The following CNTN5 variants were observed in gnomAD, a reference collection of about 807,000 sequenced individuals.
CNTN5 encodes the protein contactin-5.
CNTN5 carries 77 observed loss-of-function variants against 129.1 expected under a neutral mutation model. That is an observed-to-expected ratio of 0.60 (90% confidence interval 0.50 to 0.72). CNTN5 has a LOEUF of 0.72. Ranked by LOEUF, CNTN5 falls within the 30% of genes least tolerant of loss-of-function variation. The pLI is 0.00. For missense variants in CNTN5, 1,478 were observed against 1,328.8 expected (o/e 1.11, Z -1.75); for synonymous variants, 509 against 465.6 (o/e 1.09, Z -1.20).
intron 9 of CNTN5, among the ~76,000 whole-genome samples, chr11:100,041,796 A>G (rs1217236818): frequency 1.3e-5 from 2 of 152,190 alleles, no homozygotes; most frequent in Admixed American, 6.5e-5. Context: ...TGTCACAGAG[A>G]CTGTCAAGCT....
chr11:99,962,734 C>A (rs928999419), intron 8 of CNTN5, among the ~76,000 whole-genome samples: 11 of 151,464 alleles, frequency 7.3e-5, no homozygotes, highest in Non-Finnish European at 1.3e-4. Context: ...AATCGCCACA[C>A]TGACTTCCAC....
intron 2 of CNTN5, among the ~76,000 whole-genome samples, chr11:99,464,749 T>G (rs1237666700): frequency 6.6e-6 from 1 of 152,126 alleles, no homozygotes; most frequent in African/African-American, 2.4e-5. Flanking sequence ...ATATGCAGTG[T>G]TTTTCCCCCA....
chr11:99,488,073 A>G (rs1345956656), intron 2 of CNTN5, among the ~76,000 whole-genome samples: 1 of 152,172 alleles, frequency 6.6e-6, no homozygotes, highest in Non-Finnish European at 1.5e-5. Context: ...GGATTAATCA[A>G]ATGAAAGATT....
chr11:100,119,150 A>G (rs1170227529), intron 13 of CNTN5, among the ~76,000 whole-genome samples: 2 of 151,886 alleles, frequency 1.3e-5, no homozygotes, highest in African/African-American at 4.8e-5. Flanking sequence ...CAGCCACTGA[A>G]GATATTATCC....
Position 100,002,147 on chromosome 11 carries a change from G to A in CNTN5, c.980+11G>A. The stretch of plus-strand genomic sequence containing the variant: ...CTTTGCACTTGGCAAGTAAGTACAT[G>A]TTCTTCCATAATTAAACACAATTTT... On this transcript the variant is annotated intron_variant, in intron 9 of 24. Transcript: ENST00000524871. The A allele has an allele frequency of 6.8e-7, 1 of 1,481,068 alleles. No homozygotes were observed. The highest frequency in any genetic ancestry group is 9.0e-7 in the Non-Finnish European group (1 of 1,108,204). The allele number at this position is 1,481,068 out of a possible 1,614,324, so 91.7% of individuals were successfully genotyped here.
intron 3 of CNTN5, among the ~76,000 whole-genome samples, chr11:99,813,503 G>A (rs986102951): frequency 2.0e-5 from 3 of 152,072 alleles, no homozygotes; most frequent in African/African-American, 7.2e-5. Context: ...GTTTTGTTTT[G>A]TTTTGTTTTA....
intron 1 of CNTN5, among the ~76,000 whole-genome samples, chr11:99,105,249 T>C (rs1866940509): frequency 6.6e-6 from 1 of 152,234 alleles, no homozygotes; most frequent in Admixed American, 6.6e-5. Context: ...GGTAACACAG[T>C]GCTTAAAAAG....
chr11:99,261,176 C>CACAT (rs1248307714), intron 1 of CNTN5, among the ~76,000 whole-genome samples: 1 of 150,678 alleles, frequency 6.6e-6, no homozygotes, highest in Non-Finnish European at 1.5e-5. Flanking sequence ...AACTAATGAA[C>CACAT]ACATACAATG....
intron 1 of CNTN5, among the ~76,000 whole-genome samples, chr11:99,287,569 G>T (rs1863990752): frequency 6.6e-6 from 1 of 151,946 alleles, no homozygotes; most frequent in East Asian, 1.9e-4. Context: ...ACTACAAGTG[G>T]ATTATATGAG....
intron 3 of CNTN5, among the ~76,000 whole-genome samples, chr11:99,590,802 G>A (rs1949955066): frequency 6.6e-6 from 1 of 152,198 alleles, no homozygotes; most frequent in Admixed American, 6.5e-5. Context: ...TCTTGACCAT[G>A]CTAGGGTTTA....
At position 100,334,563 on chromosome 11, in the gene CNTN5, T is replaced by C. The variant is rs113596709; in HGVS notation, c.2731-5900T>C. On this transcript the variant is annotated intron_variant, in intron 21 of 24. Coordinates refer to ENST00000524871, the MANE Select transcript of CNTN5 (RefSeq NM_014361.4). ...TCAATCAATGAGTGGATAAAGAAAA[T>C]GTGGTATATACACCATGGAATCCTG... Among the ~76,000 whole-genome samples the C allele has an allele frequency of 2.0e-3, 299 of 151,800 alleles. 1 individual carries two copies. Among genetic ancestry groups the C allele is most frequent in the African/African-American group, 6.9e-3 (287 of 41,372 alleles).
At chr11:100,057,650 G>A (rs1368053568) in intron 9 of CNTN5, among the ~76,000 whole-genome samples, 1 of 148,994 alleles carries the variant, frequency 6.7e-6, no homozygotes, top group Non-Finnish European at 1.5e-5. Flanking sequence ...TTACAGATGA[G>A]AAACAAAATT....
At chr11:99,110,626 C>A (rs780502994) in intron 1 of CNTN5, among the ~76,000 whole-genome samples, 1 of 152,052 alleles carries the variant, frequency 6.6e-6, no homozygotes, top group Non-Finnish European at 1.5e-5. Flanking sequence ...GGGAAAATAT[C>A]CCCTTTGGTT....
chr11:99,137,078 A>G (rs979285016), intron 1 of CNTN5, among the ~76,000 whole-genome samples: 3 of 152,222 alleles, frequency 2.0e-5, no homozygotes, highest in African/African-American at 7.2e-5. Context: ...TGATTATGCT[A>G]TATAACCATT....
At chr11:99,096,856 GC>G (rs1866488827) in intron 1 of CNTN5, among the ~76,000 whole-genome samples, 1 of 151,614 alleles carries the variant, frequency 6.6e-6, no homozygotes, top group Admixed American at 6.6e-5. Context: ...TATATGACAG[GC>G]TTTAGTTTCC....
At chr11:99,154,531 G>A (rs1375878390) in intron 1 of CNTN5, among the ~76,000 whole-genome samples, 3 of 152,180 alleles carry the variant, frequency 2.0e-5, no homozygotes, top group South Asian at 2.1e-4. Flanking sequence ...AGGCAAGGAC[G>A]ACCTGTGCAT....
intron 13 of CNTN5, among the ~76,000 whole-genome samples, chr11:100,127,500 A>G (rs947547970): frequency 2.0e-5 from 3 of 152,030 alleles, no homozygotes; most frequent in African/African-American, 7.2e-5. Context: ...TGTATCAGTT[A>G]TGATGGAGTT....
intron 14 of CNTN5, among the ~76,000 whole-genome samples, chr11:100,191,622 A>G (rs1948497201): frequency 6.6e-6 from 1 of 152,016 alleles, no homozygotes; most frequent in African/African-American, 2.4e-5. Flanking sequence ...CTCTGTTATC[A>G]CTTCAACTAG....
chr11:99,357,969 A>G (rs1938801498), intron 2 of CNTN5, among the ~76,000 whole-genome samples: 1 of 150,264 alleles, frequency 6.7e-6, no homozygotes, highest in South Asian at 2.1e-4. Flanking sequence ...GCGCCACTGC[A>G]CTCCAGCCTG....
Sources: gnomAD v4.1 joint callset for allele counts (sites outside exome capture counted in the v4.1 genomes callset) on GRCh38, gnomAD v4.1.1 for gene constraint, MANE v1.5 for transcripts, NCBI Gene and HGNC (gene_info 2026-07-23, HGNC 2026-07-21) for gene names.